The following NME7 variants were observed in gnomAD, a reference collection of about 807,000 sequenced individuals.
NME7 encodes nucleoside diphosphate kinase 7.
NME7 carries 41 observed loss-of-function variants against 49.1 expected under a neutral mutation model. The observed-to-expected ratio is 0.83, with a 90% CI of 0.65 to 1.08. The LOEUF (loss-of-function observed/expected upper bound fraction) is 1.08, where lower values mean the gene tolerates loss of function less well. Among genes scored for constraint, NME7 ranks in the 50% least tolerant of loss-of-function variants. NME7 has a pLI of 0.00. For synonymous variants in NME7, 139 were observed against 150.6 expected (o/e 0.92, Z 0.56); for missense variants, 423 against 463.4 (o/e 0.91, Z 0.80).
At chr1:169,168,143 T>C (rs1333877597) in intron 11 of NME7, among the ~76,000 whole-genome samples, 1 of 152,110 alleles carries the variant, frequency 6.6e-6, no homozygotes, top group African/African-American at 2.4e-5. Context: ...ACCCTGGAGG[T>C]ATGCCATCAT....
intron 7 of NME7, among the ~76,000 whole-genome samples, chr1:169,278,964 G>T (rs920428836): frequency 6.6e-6 from 1 of 152,150 alleles, no homozygotes; most frequent in Non-Finnish European, 1.5e-5. Flanking sequence ...GACCCTGTTT[G>T]CCTGGGTATC....
At chr1:169,299,328 A>G (rs1650838202) in intron 5 of NME7, among the ~76,000 whole-genome samples, 1 of 152,018 alleles carries the variant, frequency 6.6e-6, no homozygotes, top group Admixed American at 6.6e-5. Flanking sequence ...CGTAAAAACT[A>G]CTCTGGGTTA....
chr1:169,288,266 C>T (rs972173543), intron 6 of NME7, among the ~76,000 whole-genome samples: 22 of 152,110 alleles, frequency 1.4e-4, no homozygotes, highest in African/African-American at 5.1e-4. Context: ...AGTTGTATAG[C>T]TCTGTAGGAC....
chr1:169,244,674 G>A (rs1338181399), intron 7 of NME7, among the ~76,000 whole-genome samples: 1 of 149,514 alleles, frequency 6.7e-6, no homozygotes, highest in Non-Finnish European at 1.5e-5. Flanking sequence ...TTAAAAAGTA[G>A]ATGCATAGTA....
At chr1:169,199,568 C>T (rs1191149741) in intron 10 of NME7, among the ~76,000 whole-genome samples, 1 of 151,392 alleles carries the variant, frequency 6.6e-6, no homozygotes, top group Admixed American at 6.6e-5. Flanking sequence ...ATCCTCCCGC[C>T]TCAGCCTCCC....
chr1:169,203,141 T>C (rs12084549), intron 10 of NME7, among the ~76,000 whole-genome samples: 57,339 of 151,848 alleles, frequency 0.38, 11,523 homozygotes, highest in East Asian at 0.79. Flanking sequence ...GAAAATTCCA[T>C]CCCCTGACAC....
chr1:169,216,648 C>T (rs1420073952), intron 10 of NME7, among the ~76,000 whole-genome samples: 1 of 152,214 alleles, frequency 6.6e-6, no homozygotes, highest in East Asian at 1.9e-4. Flanking sequence ...AGTAAAAGCA[C>T]AAGCAAAACA....
At chr1:169,257,427 G>T (rs959870480) in intron 7 of NME7, among the ~76,000 whole-genome samples, 1 of 133,868 alleles carries the variant, frequency 7.5e-6, no homozygotes, top group Non-Finnish European at 1.8e-5. Context: ...TTCGGCTTGC[G>T]AACGGTACGC....
chr1:169,153,212 T>A (rs901495144), intron 11 of NME7, among the ~76,000 whole-genome samples: 3 of 150,324 alleles, frequency 2.0e-5, no homozygotes, highest in Non-Finnish European at 4.4e-5. Flanking sequence ...TTCAACAGAG[T>A]TTTTAGGTAA....
intron 1 of NME7, among the ~76,000 whole-genome samples, chr1:169,324,809 G>T (rs557402686): frequency 1.3e-5 from 2 of 152,168 alleles, no homozygotes; most frequent in South Asian, 4.1e-4. Context: ...TTTTACTATT[G>T]TAACAATTCA....
chr1:169,145,717 C>T (rs896055582), intron 11 of NME7, among the ~76,000 whole-genome samples: 1 of 152,168 alleles, frequency 6.6e-6, no homozygotes, highest in Middle Eastern at 3.4e-3. Flanking sequence ...GTGCTTACAA[C>T]AAAGATGGAA....
At chr1:169,277,111 T>C (rs1649767467) in intron 7 of NME7, among the ~76,000 whole-genome samples, 2 of 150,602 alleles carry the variant, frequency 1.3e-5, no homozygotes, top group African/African-American at 4.9e-5. Context: ...CTTCCAACTA[T>C]GTGGTCAATT....
chr1:169,265,796 C>A (rs983825202), intron 7 of NME7, among the ~76,000 whole-genome samples: 1 of 131,046 alleles, frequency 7.6e-6, no homozygotes, highest in Non-Finnish European at 1.8e-5. Flanking sequence ...TACCACTGAC[C>A]CCACAGAAAT....
intron 10 of NME7, among the ~76,000 whole-genome samples, chr1:169,185,884 G>A (rs1417956938): frequency 1.3e-5 from 2 of 152,120 alleles, no homozygotes; most frequent in Non-Finnish European, 2.9e-5. Flanking sequence ...ATTAGAGATT[G>A]TGTCTTACTC....
intron 10 of NME7, among the ~76,000 whole-genome samples, chr1:169,195,070 T>C (rs190509365): frequency 5.4e-4 from 35 of 64,720 alleles, no homozygotes; most frequent in Non-Finnish European, 1.2e-3. Flanking sequence ...ATTCAAAACA[T>C]GTTTTTTGCA....
chr1:169,216,350 A>C (rs1660973901), intron 10 of NME7, among the ~76,000 whole-genome samples: 2 of 152,198 alleles, frequency 1.3e-5, no homozygotes, highest in Admixed American at 6.5e-5. Context: ...CCAATAATTT[A>C]ACCAACCATG....
At chr1:169,273,583 G>A (rs1398358925) in intron 7 of NME7, among the ~76,000 whole-genome samples, 1 of 130,234 alleles carries the variant, frequency 7.7e-6, no homozygotes, top group African/African-American at 2.6e-5. Context: ...TTAGCATTAG[G>A]TATATCTCCT....
intron 1 of NME7, among the ~76,000 whole-genome samples, chr1:169,341,649 G>A (rs1220598934): frequency 6.6e-6 from 1 of 152,156 alleles, no homozygotes; most frequent in African/African-American, 2.4e-5. Context: ...CATGGGGACT[G>A]TCCCCTACAG....
chr1:169,321,239 A>C (rs1651842053), intron 3 of NME7, among the ~76,000 whole-genome samples: 1 of 152,174 alleles, frequency 6.6e-6, no homozygotes. Flanking sequence ...GCATGGCTGT[A>C]GTTCCAGCTA....
Sources: gnomAD v4.1 joint callset for allele counts (sites outside exome capture counted in the v4.1 genomes callset) on GRCh38, gnomAD v4.1.1 for gene constraint, MANE v1.5 for transcripts, NCBI Gene and HGNC (gene_info 2026-07-23, HGNC 2026-07-21) for gene names.